Variants in ARHGAP20 observed in about 807,000 individuals in gnomAD.
ARHGAP20 encodes rho GTPase-activating protein 20.
ARHGAP20 carries 34 observed loss-of-function variants against 73.7 expected under a neutral mutation model. That is an observed-to-expected ratio of 0.46 (90% CI 0.35 to 0.61). The LOEUF is 0.61. Among genes scored for constraint, ARHGAP20 ranks in the 20% least tolerant of loss-of-function variants. ARHGAP20 has a pLI of 0.00. For missense variants in ARHGAP20, 1,314 were observed against 1,420.9 expected (o/e 0.92, Z 1.21); for synonymous variants, 523 against 518.2 (o/e 1.01, Z -0.13).
chr11:110,640,758 CA>C (rs557874361), intron 2 of ARHGAP20, among the ~76,000 whole-genome samples: 34 of 88,710 alleles, frequency 3.8e-4, no homozygotes, highest in African/African-American at 1.5e-3. Context: ...AATAATAAAT[CA>C]GGGGGAGGGG....
At chr11:110,586,544 C>T (rs182631158) in intron 11 of ARHGAP20, among the ~76,000 whole-genome samples, 18 of 152,152 alleles carry the variant, frequency 1.2e-4, no homozygotes, top group Middle Eastern at 3.4e-3. Context: ...GTCTTCATTA[C>T]GGTGGGAAAA....
intron 14 of ARHGAP20, among the ~76,000 whole-genome samples, chr11:110,581,671 C>G (rs998637304): frequency 6.6e-6 from 1 of 152,272 alleles, no homozygotes; most frequent in Middle Eastern, 3.4e-3. Context: ...CTTATTTAAT[C>G]TTTACAACAA....
chr11:110,651,377 A>G (rs2135014916), intron 2 of ARHGAP20, among the ~76,000 whole-genome samples: 1 of 152,296 alleles, frequency 6.6e-6, no homozygotes, highest in East Asian at 1.9e-4. Flanking sequence ...CTAAGATCAG[A>G]GTGGAACTGA....
chr11:110,615,243 T>C (rs1486518466), intron 5 of ARHGAP20, among the ~76,000 whole-genome samples: 1 of 152,158 alleles, frequency 6.6e-6, no homozygotes, highest in Non-Finnish European at 1.5e-5. Flanking sequence ...TTGAGGAAAC[T>C]GTTAGCTCCA....
At chr11:110,627,072 G>A (rs1353842833) in intron 3 of ARHGAP20, among the ~76,000 whole-genome samples, 1 of 150,852 alleles carries the variant, frequency 6.6e-6, no homozygotes, top group Non-Finnish European at 1.5e-5. Flanking sequence ...TAAACAGACT[G>A]AACAAAACCC....
chr11:110,694,462 T>C (rs1333544800), intron 1 of ARHGAP20, among the ~76,000 whole-genome samples: 1 of 151,556 alleles, frequency 6.6e-6, no homozygotes, highest in Non-Finnish European at 1.5e-5. Context: ...TAACCATAAA[T>C]GAATAAAGGT....
At chr11:110,633,481 G>A (rs1948901246) in intron 2 of ARHGAP20, among the ~76,000 whole-genome samples, 1 of 152,046 alleles carries the variant, frequency 6.6e-6, no homozygotes, top group African/African-American at 2.4e-5. Context: ...TCTTTCTTGA[G>A]ACTGTTTTAG....
chr11:110,627,618 C>T (rs1047106966), intron 3 of ARHGAP20, among the ~76,000 whole-genome samples: 7 of 152,058 alleles, frequency 4.6e-5, no homozygotes, highest in African/African-American at 1.7e-4. Flanking sequence ...GATGGTAATT[C>T]TATTAATAAA....
At chr11:110,598,467 C>T (rs1948028622) in intron 9 of ARHGAP20, among the ~76,000 whole-genome samples, 1 of 152,162 alleles carries the variant, frequency 6.6e-6, no homozygotes, top group South Asian at 2.1e-4. Context: ...TTCAATCTTT[C>T]ATTTAATTTC....
chr11:110,626,976 T>A (rs908990068), intron 3 of ARHGAP20, among the ~76,000 whole-genome samples: 1 of 152,210 alleles, frequency 6.6e-6, no homozygotes, highest in South Asian at 2.1e-4. Flanking sequence ...TTAAAAATGC[T>A]AATTTAATGT....
chr11:110,665,884 G>A (rs566469331), intron 2 of ARHGAP20, among the ~76,000 whole-genome samples: 1 of 152,206 alleles, frequency 6.6e-6, no homozygotes, highest in Admixed American at 6.5e-5. Context: ...CAAAGATGAC[G>A]TGATTGTTGC....
intron 1 of ARHGAP20, among the ~76,000 whole-genome samples, chr11:110,709,409 T>C (rs140471268): frequency 7.5e-4 from 114 of 152,280 alleles, no homozygotes; most frequent in African/African-American, 2.6e-3. Flanking sequence ...GTCCCTATTA[T>C]CATAGTTTTC....
At position 110,609,002 on chromosome 11, in the gene ARHGAP20, C is replaced by G; in HGVS notation, c.757G>C (p.Ala253Pro). Residue 253 changes from alanine to proline, a missense_variant, in exon 8 of 15, where the codon GCT becomes CCT. Physicochemically the swap from Ala to Pro is conservative, Grantham distance 27 (BLOSUM62 -1). Around this residue, in one of 3 missense-constraint regions of ARHGAP20, gnomAD observed 443 missense variants for 466.4 expected, o/e 0.95. Coordinates refer to ENST00000683387, the MANE Select transcript of ARHGAP20 (RefSeq NM_001384657.1). ...QLWVNSGKEE[A>P]PYPLIGHEYP... ...AACTTACCAATGAGTGGGTATGGAG[C>G]CTCTTCTTTGCCAGAATTGACCCAC... 1 of 1,613,578 alleles carries G rather than the reference C, an allele frequency of 6.2e-7. No homozygotes were observed. The highest frequency in any genetic ancestry group is 8.5e-7 in the Non-Finnish European group (1 of 1,179,640).
At chr11:110,707,759 T>G (rs1950575237) in intron 1 of ARHGAP20, among the ~76,000 whole-genome samples, 1 of 152,140 alleles carries the variant, frequency 6.6e-6, no homozygotes, top group South Asian at 2.1e-4. Flanking sequence ...AGGCCTTCCC[T>G]GAACACCCTA....
At chr11:110,711,649 G>C (rs1467818633) in intron 1 of ARHGAP20, 3 of 1,474,528 alleles carry the variant, frequency 2.0e-6, no homozygotes, top group Non-Finnish European at 2.7e-6. Context: ...CCGCAGCCCC[G>C]CTGCCTACCT....
At chr11:110,705,236 T>C (rs1254124931) in intron 1 of ARHGAP20, among the ~76,000 whole-genome samples, 1 of 152,192 alleles carries the variant, frequency 6.6e-6, no homozygotes, top group African/African-American at 2.4e-5. Flanking sequence ...TCTAAGTTAT[T>C]GATTGGAGAG....
intron 1 of ARHGAP20, among the ~76,000 whole-genome samples, chr11:110,692,774 G>C (rs563430503): frequency 2.3e-4 from 35 of 152,094 alleles, no homozygotes; most frequent in African/African-American, 8.2e-4. Context: ...AATTAATGCA[G>C]AACTATAATG....
At chr11:110,657,213 ATGAGT>A (rs1353527903) in intron 2 of ARHGAP20, among the ~76,000 whole-genome samples, 4 of 152,200 alleles carry the variant, frequency 2.6e-5, no homozygotes, top group Admixed American at 1.3e-4. Context: ...CCTTTAAAAT[ATGAGT>A]TAAGTTTTTG....
At chr11:110,591,897 T>C (rs575681359) in intron 10 of ARHGAP20, 80 bp downstream of exon 10, 5 of 1,441,958 alleles carry the variant, frequency 3.5e-6, no homozygotes, top group East Asian at 4.6e-5. Context: ...ATTTTTCCAT[T>C]TGGGGACAGA....
Sources: gnomAD v4.1 joint callset for allele counts (sites outside exome capture counted in the v4.1 genomes callset) on GRCh38, gnomAD v4.1.1 for gene constraint, gnomAD v4.1.1 regional missense constraint, MANE v1.5 for transcripts, NCBI Gene and HGNC (gene_info 2026-07-23, HGNC 2026-07-21) for gene names.